The following RNF212 variants were observed in gnomAD, a reference collection of about 807,000 sequenced individuals.
RNF212 encodes probable E3 SUMO-protein ligase RNF212.
Under a neutral mutation model 34.7 loss-of-function variants are expected in RNF212, and 33 were observed. The observed-to-expected ratio is 0.95, with a 90% CI of 0.72 to 1.27. RNF212 has a LOEUF of 1.27. RNF212 is among the 50% of genes most tolerant of loss of function. RNF212 has a pLI of 0.00. For synonymous variants in RNF212, 140 were observed against 136.1 expected (o/e 1.03, Z -0.20); for missense variants, 377 against 362.2 (o/e 1.04, Z -0.33).
intron 2 of RNF212, among the ~76,000 whole-genome samples, chr4:1,097,803 G>A (rs1292183761): frequency 2.0e-5 from 3 of 152,194 alleles, no homozygotes; most frequent in African/African-American, 4.8e-5. Context: ...AGAGGCTCAC[G>A]CCTGTCATCC....
In RNF212 at chr4:1,083,639, AAAACAAAC is replaced by A. The variant is rs76992730; in HGVS notation, c.363-2028_363-2021del. ...GGTGACAGAGTGAGACTCTGTCTCA[AAAACAAAC>A]AAACAAACAAACAAACAAACAAACA... On this transcript the variant is annotated intron_variant, in intron 5 of 9. Coordinates refer to ENST00000433731, the MANE Select transcript of RNF212 (RefSeq NM_001131034.4). Among the ~76,000 whole-genome samples, 1,318 of 149,284 alleles carry A rather than the reference AAAACAAAC, an allele frequency of 8.8e-3. 32 individuals are homozygous for A. Among genetic ancestry groups the A allele is most frequent in the East Asian group, 0.08 (408 of 5,092 alleles).
chr4:1,071,357 C>T (rs997471987), downstream of RNF212: 54 of 152,058 alleles, frequency 3.6e-4, 1 homozygote, highest in Middle Eastern at 3.4e-3. Context: ...ACTCATCTTA[C>T]AACATACCTC....
chr4:1,093,810 C>T (rs757801475), intron 3 of RNF212: 46 of 1,536,104 alleles, frequency 3.0e-5, no homozygotes, highest in Middle Eastern at 3.3e-4. Flanking sequence ...GGGTGAGGTG[C>T]GTCCTGGATG....
intron 1 of RNF212, among the ~76,000 whole-genome samples, chr4:1,111,204 T>C (rs1725606543): frequency 6.6e-6 from 1 of 152,206 alleles, no homozygotes; most frequent in Admixed American, 6.5e-5. Context: ...ACCTGACATC[T>C]TCTTTACCTC....
intron 1 of RNF212, among the ~76,000 whole-genome samples, chr4:1,112,290 G>C (rs1725806892): frequency 6.6e-6 from 1 of 152,180 alleles, no homozygotes; most frequent in Non-Finnish European, 1.5e-5. Context: ...GCTGGTTGTA[G>C]GGCTGCATTC....
intron 3 of RNF212, among the ~76,000 whole-genome samples, chr4:1,091,218 T>C (rs142250296): frequency 5.9e-5 from 9 of 152,254 alleles, no homozygotes; most frequent in African/African-American, 2.2e-4. Context: ...GCACACAGAA[T>C]GAGGCTAAGC....
exon 5 of RNF212, chr4:1,056,498 T>C: frequency 1.0e-6 from 1 of 986,434 alleles, no homozygotes; most frequent in Non-Finnish European, 1.2e-6. Context: ...ACTTCAAAAC[T>C]TCACACTGTT....
intron 2 of RNF212, chr4:1,099,773 T>C (rs573444512): frequency 5.2e-4 from 236 of 456,042 alleles, no homozygotes; most frequent in Non-Finnish European, 7.5e-4. Context: ...GCGTAAGGAA[T>C]GGAGGAAATC....
At chr4:1,084,478 G>A (rs1720858948) in intron 5 of RNF212, among the ~76,000 whole-genome samples, 1 of 152,036 alleles carries the variant, frequency 6.6e-6, no homozygotes, top group South Asian at 2.1e-4. Flanking sequence ...ATCGGTCATT[G>A]CAGCACTTTG....
At chr4:1,061,699 C>T (rs1270368072) in intron 3 of RNF212, among the ~76,000 whole-genome samples, 1 of 152,224 alleles carries the variant, frequency 6.6e-6, no homozygotes, top group African/African-American at 2.4e-5. Context: ...GACATCTCAG[C>T]TCAACAAGAA....
At chr4:1,073,854 G>A (rs1718834611) in intron 8 of RNF212, 192 bp from the exon 9 acceptor site, 3 of 613,446 alleles carry the variant, frequency 4.9e-6, no homozygotes, top group African/African-American at 1.8e-5. Context: ...TAGAGGTGGT[G>A]TGGGTGGGTA....
chr4:1,060,371 G>C (rs12645644), intron 3 of RNF212, among the ~76,000 whole-genome samples: 1 of 151,990 alleles, frequency 6.6e-6, no homozygotes, highest in African/African-American at 2.4e-5. Flanking sequence ...CACACCAGGC[G>C]TCATCCTGAA....
At chr4:1,102,824 C>T (rs1724218343) in intron 2 of RNF212, among the ~76,000 whole-genome samples, 1 of 151,508 alleles carries the variant, frequency 6.6e-6, no homozygotes, top group Non-Finnish European at 1.5e-5. Flanking sequence ...TGCACTCCAG[C>T]CTAGGCAACA....
chr4:1,077,179 G>C (rs1719450771), intron 8 of RNF212, among the ~76,000 whole-genome samples: 1 of 152,170 alleles, frequency 6.6e-6, no homozygotes, highest in Admixed American at 6.5e-5. Context: ...AGTGAGCCGA[G>C]ATCTCGCCAC....
At chr4:1,103,216 A>G (rs751052781) in intron 2 of RNF212, among the ~76,000 whole-genome samples, 2 of 152,236 alleles carry the variant, frequency 1.3e-5, no homozygotes, top group Non-Finnish European at 2.9e-5. Flanking sequence ...GGAACTTTAA[A>G]CAGTTCGATG....
chr4:1,088,583 A>G (rs1041991277), intron 4 of RNF212, among the ~76,000 whole-genome samples: 2 of 152,260 alleles, frequency 1.3e-5, no homozygotes, highest in Non-Finnish European at 2.9e-5. Context: ...GGCTGCAGAA[A>G]TGTGCATAAG....
chr4:1,099,831 G>A (rs1031332446), intron 2 of RNF212: 5 of 456,102 alleles, frequency 1.1e-5, no homozygotes, highest in African/African-American at 4.0e-5. Flanking sequence ...CGGCGCAAGC[G>A]GACACGGGTA....
intron 3 of RNF212, among the ~76,000 whole-genome samples, chr4:1,095,355 A>G (rs1221092153): frequency 1.1e-4 from 4 of 35,716 alleles, no homozygotes; most frequent in East Asian, 6.4e-4. Flanking sequence ...CCATGGTCTC[A>G]GCATAGCGCA....
intron 7 of RNF212, among the ~76,000 whole-genome samples, chr4:1,080,591 C>T (rs1720171371): frequency 6.6e-6 from 1 of 152,158 alleles, no homozygotes; most frequent in Admixed American, 6.5e-5. Flanking sequence ...GGAGCTTGTG[C>T]CTGCCTGCTC....
Sources: gnomAD v4.1 joint callset for allele counts (sites outside exome capture counted in the v4.1 genomes callset) on GRCh38, gnomAD v4.1.1 for gene constraint, MANE v1.5 for transcripts, NCBI Gene and HGNC (gene_info 2026-07-23, HGNC 2026-07-21) for gene names.